STK3: variants seen among roughly 807,000 people sequenced by gnomAD.
STK3 encodes the protein serine/threonine-protein kinase 3.
A neutral mutation model predicts 58.0 loss-of-function variants in STK3; 41 were observed. The observed-to-expected ratio is 0.71, with a 90% CI of 0.55 to 0.92. The LOEUF is 0.92. Ranked by LOEUF, STK3 falls within the 40% of genes least tolerant of loss-of-function variation. The probability of loss-of-function intolerance (pLI) is 0.00; values close to 1 mark genes in which losing one functional copy is unlikely to be tolerated. For synonymous variants in STK3, 170 were observed against 191.0 expected (o/e 0.89, Z 0.91); for missense variants, 479 against 602.7 (o/e 0.79, Z 2.15).
intron 9 of STK3, among the ~76,000 whole-genome samples, chr8:98,534,135 A>T (rs1322217223): frequency 6.6e-6 from 1 of 152,228 alleles, no homozygotes; most frequent in Non-Finnish European, 1.5e-5. Context: ...CCTGATTTTC[A>T]GAATATACAT....
At chr8:98,843,742 C>T (rs1836085049) in intron 3 of STK3, among the ~76,000 whole-genome samples, 3 of 152,184 alleles carry the variant, frequency 2.0e-5, no homozygotes, top group Non-Finnish European at 4.4e-5. Flanking sequence ...GGAAGCCGTG[C>T]CTGGTGGCTC....
At chr8:98,567,359 G>A (rs1773538150) in intron 8 of STK3, among the ~76,000 whole-genome samples, 2 of 152,082 alleles carry the variant, frequency 1.3e-5, no homozygotes, top group African/African-American at 4.8e-5. Context: ...CACCATGCCT[G>A]GCTAATTTTT....
intron 6 of STK3, among the ~76,000 whole-genome samples, chr8:98,698,702 T>A (rs1410469240): frequency 6.6e-6 from 1 of 152,240 alleles, no homozygotes; most frequent in African/African-American, 2.4e-5. Flanking sequence ...CCCACTGTCT[T>A]CTGGCTTGTA....
intron 3 of STK3, among the ~76,000 whole-genome samples, chr8:98,403,048 C>G (rs1251552387): frequency 6.6e-6 from 1 of 152,208 alleles, no homozygotes; most frequent in South Asian, 2.1e-4. Flanking sequence ...TTATCAGTCT[C>G]CAGCTGTTCC....
intron 6 of STK3, among the ~76,000 whole-genome samples, chr8:98,630,893 T>C (rs1819169859): frequency 6.6e-6 from 1 of 151,416 alleles, no homozygotes; most frequent in South Asian, 2.1e-4. Flanking sequence ...TTTTAAGAGA[T>C]AAACCTGACA....
At chr8:98,421,855 A>T (rs528635103) in intron 3 of STK3, among the ~76,000 whole-genome samples, 80 of 152,266 alleles carry the variant, frequency 5.3e-4, no homozygotes, top group African/African-American at 1.8e-3. Context: ...GAGGGCCCCC[A>T]AGGGAGCAGT....
chr8:98,747,229 T>C (rs895398161), intron 4 of STK3, among the ~76,000 whole-genome samples: 2 of 151,890 alleles, frequency 1.3e-5, no homozygotes, highest in Admixed American at 6.6e-5. Flanking sequence ...AATATAAACA[T>C]TTGCAATACA....
chr8:98,547,949 A>T lies in STK3; in HGVS notation c.1141+20T>A. On this transcript the variant is annotated intron_variant, in intron 9 of 10. Coordinates refer to ENST00000419617, the MANE Select transcript of STK3 (RefSeq NM_006281.4). ...CTTTCGAATTAGAAAACTAATATTT[A>T]ATGTAAAAAAGCCACATACTTTTCA... 6.6e-7 allele frequency: 1 copy of T among 1,520,914 alleles called. No individual in the cohort carries two copies. The highest frequency in any genetic ancestry group is 2.4e-5 in the East Asian group (1 of 40,854). The allele number at this position is 1,520,914 out of a possible 1,614,324, so 94.2% of individuals were successfully genotyped here. A position where few individuals can be genotyped will look rare whatever the true frequency, so the allele number is the denominator to read the frequency against.
chr8:98,586,738 T>G (rs1405711577), intron 7 of STK3, among the ~76,000 whole-genome samples: 1 of 152,060 alleles, frequency 6.6e-6, no homozygotes, highest in Non-Finnish European at 1.5e-5. Flanking sequence ...GGACTCTTTT[T>G]GGTTGGTAAG....
intron 1 of STK3, among the ~76,000 whole-genome samples, chr8:98,792,338 T>A (rs781710094): frequency 1.3e-5 from 2 of 152,186 alleles, no homozygotes; most frequent in East Asian, 3.8e-4. Context: ...GGAACACTTC[T>A]GCACTGCTAG....
chr8:98,912,815 A>T (rs1309854815), intron 1 of STK3, among the ~76,000 whole-genome samples: 48 of 152,248 alleles, frequency 3.2e-4, no homozygotes, highest in Admixed American at 3.1e-3. Flanking sequence ...TAAAAACTCC[A>T]GCCAGGTAAC....
intron 3 of STK3, among the ~76,000 whole-genome samples, chr8:98,750,404 C>T (rs1251703643): frequency 6.8e-6 from 1 of 147,950 alleles, no homozygotes; most frequent in Non-Finnish European, 1.5e-5. Flanking sequence ...CAATCAAAAA[C>T]AGTAGCCATT....
At chr8:98,477,540 C>T (rs923432765) in intron 10 of STK3, among the ~76,000 whole-genome samples, 1 of 151,952 alleles carries the variant, frequency 6.6e-6, no homozygotes, top group Admixed American at 6.6e-5. Context: ...ACTCATGGGT[C>T]CTTCACCAAA....
intron 7 of STK3, among the ~76,000 whole-genome samples, chr8:98,582,455 T>C (rs1028934755): frequency 1.3e-5 from 2 of 152,142 alleles, no homozygotes; most frequent in African/African-American, 4.8e-5. Context: ...TATTCTCCTA[T>C]ATTAACCCCT....
intron 1 of STK3, among the ~76,000 whole-genome samples, chr8:98,931,708 C>T (rs1840011356): frequency 6.6e-6 from 1 of 152,108 alleles, no homozygotes; most frequent in African/African-American, 2.4e-5. Context: ...AAGAAAGGAG[C>T]CCTGTCAGAA....
chr8:98,795,796 AAATAC>A (rs58299814), intron 1 of STK3, among the ~76,000 whole-genome samples: 26,709 of 137,308 alleles, frequency 0.19, 2,959 homozygotes, highest in African/African-American at 0.29. Context: ...AATGGCCACA[AAATAC>A]AATACAATAC....
chr8:98,614,253 T>C (rs1182954024), intron 6 of STK3, among the ~76,000 whole-genome samples: 1 of 152,068 alleles, frequency 6.6e-6, no homozygotes, highest in East Asian at 1.9e-4. Context: ...ATGGACCATA[T>C]ACCAAGAGAG....
At chr8:98,702,379 T>G (rs1825690079) in intron 6 of STK3, among the ~76,000 whole-genome samples, 1 of 152,264 alleles carries the variant, frequency 6.6e-6, no homozygotes, top group Admixed American at 6.5e-5. Flanking sequence ...TTTCATTTTC[T>G]AATTTAGTGC....
the STK3 span, among the ~76,000 whole-genome samples, chr8:98,362,458 A>G: frequency 6.6e-6 from 1 of 152,092 alleles, no homozygotes; most frequent in African/African-American, 2.4e-5. Flanking sequence ...CTATTATTCT[A>G]TTGGTCAAAG....
Sources: gnomAD v4.1 joint callset for allele counts (sites outside exome capture counted in the v4.1 genomes callset) on GRCh38, gnomAD v4.1.1 for gene constraint, MANE v1.5 for transcripts, NCBI Gene and HGNC (gene_info 2026-07-23, HGNC 2026-07-21) for gene names.